The following TMEM132D variants were observed in gnomAD, a reference collection of about 807,000 sequenced individuals.
TMEM132D encodes the protein transmembrane protein 132D.
Under a neutral mutation model 62.3 loss-of-function variants are expected in TMEM132D, and 21 were observed. The observed-to-expected ratio is 0.34, with a 90% CI of 0.24 to 0.49. The LOEUF is 0.49. TMEM132D is among the 20% of genes least tolerant of loss of function. The pLI is 0.99. For missense variants in TMEM132D, 1,346 were observed against 1,402.8 expected (o/e 0.96, Z 0.65); for synonymous variants, 621 against 575.6 (o/e 1.08, Z -1.13).
intron 1 of TMEM132D, among the ~76,000 whole-genome samples, chr12:129,725,908 A>G (rs950758171): frequency 6.6e-6 from 1 of 152,214 alleles, no homozygotes; most frequent in South Asian, 2.1e-4. Flanking sequence ...GTGGTTCTCA[A>G]TGTGCACAGG....
intron 5 of TMEM132D, among the ~76,000 whole-genome samples, chr12:129,093,732 T>C (rs1220342480): frequency 6.6e-6 from 1 of 152,110 alleles, no homozygotes; most frequent in Non-Finnish European, 1.5e-5. Flanking sequence ...ACCAAGTCAA[T>C]CCTAAGCCAA....
rs143212908 is a variant in TMEM132D, at chr12:129,867,528, C to T, written c.79+35733G>A. Reference sequence around the variant, plus strand: ...AGCAAGTTCTAGAGTTCGAATGAACCGCAGAAGGACTAAAATTAATAATTC... The same window carrying T: ...AGCAAGTTCTAGAGTTCGAATGAACTGCAGAAGGACTAAAATTAATAATTC... On this transcript the variant is annotated intron_variant, in intron 1 of 8. Coordinates refer to ENST00000422113, the MANE Select transcript of TMEM132D (RefSeq NM_133448.3). This position sits in a 1 kb window ranked among gnomAD's most constrained non-coding sequence, Gnocchi z 4.5. 6.6e-4 allele frequency among the ~76,000 whole-genome samples: 101 copies of T among 152,158 alleles called. No homozygotes were observed. The highest frequency in any genetic ancestry group is 2.1e-3 in the African/African-American group (86 of 41,506).
At chr12:129,207,457 G>A (rs953848974) in intron 5 of TMEM132D, among the ~76,000 whole-genome samples, 1 of 152,240 alleles carries the variant, frequency 6.6e-6, no homozygotes, top group Non-Finnish European at 1.5e-5. Context: ...CAGGGATGGG[G>A]AAGGCAGTGC....
intron 5 of TMEM132D, among the ~76,000 whole-genome samples, chr12:129,115,744 G>A (rs1875872855): frequency 6.6e-6 from 1 of 152,112 alleles, no homozygotes; most frequent in African/African-American, 2.4e-5. Context: ...GGCCTGTAAA[G>A]CATACGTCAC....
At chr12:129,134,134 C>CTGTG (rs751171179) in intron 5 of TMEM132D, among the ~76,000 whole-genome samples, 14 of 76,870 alleles carry the variant, frequency 1.8e-4, no homozygotes, top group African/African-American at 4.4e-4. Context: ...GTGTGTGTGT[C>CTGTG]TGTGTGTGTG....
chr12:129,167,903 G>A (rs1877611655), intron 5 of TMEM132D, among the ~76,000 whole-genome samples: 1 of 152,096 alleles, frequency 6.6e-6, no homozygotes, highest in South Asian at 2.1e-4. Flanking sequence ...CATAAGGACT[G>A]GTTCACTGTC....
intron 4 of TMEM132D, among the ~76,000 whole-genome samples, chr12:129,328,790 G>A (rs1341706331): frequency 6.6e-6 from 1 of 151,996 alleles, no homozygotes. Context: ...GGGATGGAGT[G>A]GACTGGTTAT....
At position 129,516,479 on chromosome 12, in the gene TMEM132D, A is replaced by G. The variant is rs376174986; in HGVS notation, c.1115+14580T>C. Reference sequence around the variant, plus strand: ...GCAGAAGGTGAAAGGCACATCTTACATGGTGGCAGACAGGAGAGAAAATGA... The same window carrying G: ...GCAGAAGGTGAAAGGCACATCTTACGTGGTGGCAGACAGGAGAGAAAATGA... On this transcript the variant is annotated intron_variant, in intron 3 of 8. Coordinates refer to ENST00000422113, the MANE Select transcript of TMEM132D (RefSeq NM_133448.3). 6.6e-5 allele frequency among the ~76,000 whole-genome samples: 10 copies of G among 152,320 alleles called. No individual in the cohort carries two copies. In the East Asian group the frequency reaches 9.7e-4, roughly 15 times the overall value.
intron 3 of TMEM132D, among the ~76,000 whole-genome samples, chr12:129,344,608 A>AG (rs975570857): frequency 3.3e-5 from 5 of 152,056 alleles, no homozygotes; most frequent in Non-Finnish European, 7.4e-5. Flanking sequence ...TCTAAGATTT[A>AG]GGGGGTTGGA....
At chr12:129,309,268 T>C (rs1881915339) in intron 4 of TMEM132D, among the ~76,000 whole-genome samples, 1 of 152,230 alleles carries the variant, frequency 6.6e-6, no homozygotes, top group East Asian at 1.9e-4. Flanking sequence ...TTTTTCATGT[T>C]CTTTCTTTAG....
intron 3 of TMEM132D, among the ~76,000 whole-genome samples, chr12:129,458,908 C>T (rs1873567683): frequency 1.3e-5 from 2 of 152,168 alleles, no homozygotes; most frequent in South Asian, 4.1e-4. Context: ...TGGAAGGCAT[C>T]TCAGAAACCT....
At chr12:129,535,441 C>T (rs1876354600) in intron 2 of TMEM132D, among the ~76,000 whole-genome samples, 1 of 152,172 alleles carries the variant, frequency 6.6e-6, no homozygotes, top group Non-Finnish European at 1.5e-5. Flanking sequence ...ACCACAACCA[C>T]CAGGGGACTC....
intron 2 of TMEM132D, among the ~76,000 whole-genome samples, chr12:129,655,438 G>T (rs576707162): frequency 2.8e-4 from 43 of 151,910 alleles, no homozygotes; most frequent in Middle Eastern, 3.4e-3. Flanking sequence ...GTAGAGATGG[G>T]GTTTTGCCAC....
chr12:129,876,651 G>C (rs570011946), intron 1 of TMEM132D, among the ~76,000 whole-genome samples: 2 of 152,318 alleles, frequency 1.3e-5, no homozygotes, highest in South Asian at 4.1e-4. Context: ...ACGATATCAT[G>C]TTTGTCTTCT....
At chr12:129,175,269 C>G (rs1394646910) in intron 5 of TMEM132D, among the ~76,000 whole-genome samples, 2 of 152,018 alleles carry the variant, frequency 1.3e-5, no homozygotes, top group East Asian at 3.9e-4. Flanking sequence ...AGGAAGGGAT[C>G]CAGTTTCAGT....
intron 3 of TMEM132D, among the ~76,000 whole-genome samples, chr12:129,518,906 T>C (rs186922139): frequency 6.6e-6 from 1 of 152,290 alleles, no homozygotes; most frequent in East Asian, 1.9e-4. Flanking sequence ...CAAAAGGTTA[T>C]TAAAAATTTT....
chr12:129,478,933 CAAA>C (rs1189947745), intron 3 of TMEM132D, among the ~76,000 whole-genome samples: 3 of 152,286 alleles, frequency 2.0e-5, no homozygotes, highest in African/African-American at 7.2e-5. Context: ...AAAATAATTA[CAAA>C]AAAGACCTAC....
chr12:129,312,079 G>T (rs925145651), intron 4 of TMEM132D, among the ~76,000 whole-genome samples: 3 of 152,200 alleles, frequency 2.0e-5, no homozygotes, highest in Non-Finnish European at 4.4e-5. Context: ...AGTGGAGTGG[G>T]GTCGCAAGAC....
intron 4 of TMEM132D, among the ~76,000 whole-genome samples, chr12:129,214,840 G>GA (rs1423062182): frequency 3.9e-5 from 6 of 152,180 alleles, no homozygotes; most frequent in Non-Finnish European, 7.3e-5. Context: ...GGGGTAAAGG[G>GA]AATACTTATA....
Sources: allele counts gnomAD v4.1 joint callset (sites outside exome capture counted in the v4.1 genomes callset), GRCh38; gene constraint gnomAD v4.1.1; non-coding constraint Gnocchi (gnomAD v3.1); transcripts MANE v1.5; gene names NCBI Gene and HGNC (gene_info 2026-07-23, HGNC 2026-07-21).